The following CENPK variants were observed in gnomAD, a reference collection of about 807,000 sequenced individuals.
CENPK encodes the protein SoxLZ/Sox6-binding protein Solt.
Under a neutral mutation model 40.9 loss-of-function variants are expected in CENPK, and 46 were observed. That is an observed-to-expected ratio of 1.13 (90% CI 0.89 to 1.44). CENPK has a LOEUF of 1.44. Ranked by LOEUF, CENPK falls within the 40% of genes most tolerant of loss-of-function variation. The pLI, the probability that CENPK is intolerant of heterozygous loss-of-function variation, is 0.00. For missense variants in CENPK, 288 were observed against 303.5 expected (o/e 0.95, Z 0.38); for synonymous variants, 107 against 104.4 (o/e 1.02, Z -0.15).
chr5:65,562,553 T>C (rs10514984), intron 1 of CENPK, among the ~76,000 whole-genome samples: 11,276 of 152,278 alleles, frequency 0.074, 417 homozygotes, highest in East Asian at 0.095. Flanking sequence ...GAGGTCATTT[T>C]GACAAGCTGT....
intron 2 of CENPK, among the ~76,000 whole-genome samples, chr5:65,560,146 T>A (rs962420811): frequency 1.1e-4 from 16 of 150,752 alleles, no homozygotes; most frequent in South Asian, 2.1e-4. Flanking sequence ...TACACCAAAA[T>A]TTTTTTTTTA....
At chr5:65,551,048 C>A in intron 5 of CENPK, 1 of 217,176 alleles carries the variant, frequency 4.6e-6, no homozygotes, top group Non-Finnish European at 9.6e-6. Flanking sequence ...TCAAGACCAG[C>A]CTGGGTAACA....
At chr5:65,553,987 C>T (rs1206089620) in intron 3 of CENPK, among the ~76,000 whole-genome samples, 1 of 152,170 alleles carries the variant, frequency 6.6e-6, no homozygotes, top group African/African-American at 2.4e-5. Context: ...AGTCTTACCC[C>T]AGAAGTCCTT....
At chr5:65,510,776 C>CAAA in the CENPK span, among the ~76,000 whole-genome samples, 1 of 133,682 alleles carries the variant, frequency 7.5e-6, no homozygotes, top group Non-Finnish European at 1.6e-5. Context: ...AACTCCATCT[C>CAAA]AAAAAAAAAA....
chr5:65,535,914 G>A (rs563064215), intron 6 of CENPK, among the ~76,000 whole-genome samples: 3 of 152,110 alleles, frequency 2.0e-5, no homozygotes, highest in African/African-American at 4.8e-5. Flanking sequence ...ATTACAGGGC[G>A]GGTAAAGTTT....
At chr5:65,534,098 G>C (rs1021957582) in intron 6 of CENPK, among the ~76,000 whole-genome samples, 1 of 123,928 alleles carries the variant, frequency 8.1e-6, no homozygotes, top group Non-Finnish European at 1.8e-5. Flanking sequence ...AAATTTAAAA[G>C]AATACCATTT....
At chr5:65,549,575 C>T (rs1283156205) in intron 5 of CENPK, among the ~76,000 whole-genome samples, 3 of 152,200 alleles carry the variant, frequency 2.0e-5, no homozygotes, top group Non-Finnish European at 4.4e-5. Flanking sequence ...AGTATCTTAG[C>T]TAGATCTTCT....
At chr5:65,545,495 G>A (rs1042674934) in intron 5 of CENPK, among the ~76,000 whole-genome samples, 1 of 151,986 alleles carries the variant, frequency 6.6e-6, no homozygotes, top group African/African-American at 2.4e-5. Context: ...ACCCTGAATT[G>A]CACATCCAGT....
intron 6 of CENPK, among the ~76,000 whole-genome samples, chr5:65,536,406 G>T (rs1458832123): frequency 2.6e-5 from 4 of 151,996 alleles, no homozygotes; most frequent in Non-Finnish European, 5.9e-5. Flanking sequence ...TTGAGACCAG[G>T]AATTCAACAC....
the CENPK span, among the ~76,000 whole-genome samples, chr5:65,505,128 G>C: frequency 4.6e-5 from 7 of 151,770 alleles, no homozygotes; most frequent in African/African-American, 1.7e-4. Context: ...GTAGAGACAG[G>C]GTCTCACTTT....
rs1281727117 is a variant in CENPK at position 65,549,121 on chromosome 5, C to T, written c.241+2443G>A. Among the ~76,000 whole-genome samples, 22 of 152,256 alleles carry T rather than the reference C, an allele frequency of 1.4e-4. 1 individual carries two copies. In the South Asian group the frequency reaches 1.4e-3, roughly 10 times the overall value. ...GGCGGCAGAACAGATGTTGCATCAA[C>T]AGACATGAGAACATTAAATTCCTTG... is the stretch of plus-strand genomic sequence containing the variant. On this transcript the variant is annotated intron_variant, in intron 5 of 10. Coordinates refer to ENST00000396679, the MANE Select transcript of CENPK (RefSeq NM_022145.5).
intron 3 of CENPK, among the ~76,000 whole-genome samples, chr5:65,553,940 C>T (rs980115623): frequency 2.0e-5 from 3 of 152,144 alleles, no homozygotes; most frequent in African/African-American, 4.8e-5. Context: ...ACACACTCAA[C>T]AAAATCCTTT....
At chr5:65,509,303 T>C in the CENPK span, among the ~76,000 whole-genome samples, 1 of 152,178 alleles carries the variant, frequency 6.6e-6, no homozygotes, top group African/African-American at 2.4e-5. Context: ...CACTCTCCCT[T>C]CTCAGTCTCA....
At chr5:65,558,312 C>T (rs1048321168) in intron 2 of CENPK, among the ~76,000 whole-genome samples, 1 of 151,774 alleles carries the variant, frequency 6.6e-6, no homozygotes, top group East Asian at 1.9e-4. Flanking sequence ...GTTGCTAATA[C>T]AAGAGAGAAA....
At position 65,559,946 on chromosome 5, in the gene CENPK, AT is replaced by A. The variant is rs377324365; in HGVS notation, c.-40+1516del. 2.4e-3 allele frequency among the ~76,000 whole-genome samples: 355 copies of A among 151,040 alleles called. 5 individuals are homozygous for A. In the East Asian group the frequency reaches 0.025, roughly 10 times the overall value. On this transcript the variant is annotated intron_variant, in intron 2 of 10. Coordinates refer to ENST00000396679, the MANE Select transcript of CENPK (RefSeq NM_022145.5). ...ATTTTGGTCCATATAAATCTTCCTCATTTTTTTTTAACATTTATAGTATTTG... is the reference window on the plus strand; with the variant it reads ...ATTTTGGTCCATATAAATCTTCCTCATTTTTTTTAACATTTATAGTATTTG...
the CENPK span, among the ~76,000 whole-genome samples, chr5:65,500,925 C>T: frequency 5.0e-4 from 76 of 152,172 alleles, no homozygotes; most frequent in Non-Finnish European, 7.9e-4. Flanking sequence ...CCACCTCAGC[C>T]TCCCAAAGTG....
chr5:65,510,604 G>A, the CENPK span, among the ~76,000 whole-genome samples: 3 of 151,890 alleles, frequency 2.0e-5, no homozygotes, highest in Non-Finnish European at 4.4e-5. Context: ...GTGAGACCCC[G>A]TTTCTACCAA....
chr5:65,541,369 T>C (rs1200207849), intron 6 of CENPK: 1 of 456,234 alleles, frequency 2.2e-6, no homozygotes, highest in East Asian at 7.0e-5. Flanking sequence ...AAGTAGATTA[T>C]GTCAGAACTG....
At chr5:65,509,765 G>T in the CENPK span, among the ~76,000 whole-genome samples, 1 of 152,156 alleles carries the variant, frequency 6.6e-6, no homozygotes, top group Non-Finnish European at 1.5e-5. Context: ...CCTGTGTTGA[G>T]CAAGTCTACC....
Sources: gnomAD v4.1 joint callset for allele counts (sites outside exome capture counted in the v4.1 genomes callset) on GRCh38, gnomAD v4.1.1 for gene constraint, MANE v1.5 for transcripts, NCBI Gene and HGNC (gene_info 2026-07-23, HGNC 2026-07-21) for gene names.